The following PCSK5 variants were observed in gnomAD, a reference collection of about 807,000 sequenced individuals.
PCSK5 encodes the protein proprotein convertase subtilisin/kexin type 5, also known as prohormone convertase 5.
PCSK5 carries 129 observed loss-of-function variants against 233.2 expected under a neutral mutation model. The ratio of observed to expected loss-of-function variants is 0.55; its 90% CI spans 0.48 to 0.64. The LOEUF is 0.64. Ranked by LOEUF, PCSK5 falls within the 30% of genes least tolerant of loss-of-function variation. The probability of loss-of-function intolerance (pLI) is 0.00; values close to 1 mark genes in which losing one functional copy is unlikely to be tolerated. For missense variants in PCSK5, 2,076 were observed against 2,430.1 expected, an observed-to-expected ratio of 0.85 and a Z score of 3.06; for synonymous variants, 825 against 879.2, an observed-to-expected ratio of 0.94 and a Z score of 1.09.
At chr9:76,003,112 G>A (rs1827329645) in intron 3 of PCSK5, among the ~76,000 whole-genome samples, 1 of 152,220 alleles carries the variant, frequency 6.6e-6, no homozygotes, top group African/African-American at 2.4e-5. Flanking sequence ...GAGATAGCAA[G>A]AGTCTACAGA....
rs58485029 is a variant in PCSK5, at chr9:76,316,740, C to CAAA, written c.3885-4656_3885-4654dup. On this transcript the variant is annotated intron_variant, in intron 30 of 37. Coordinates refer to ENST00000674117, the MANE Select transcript of PCSK5 (RefSeq NM_001372043.1). ...GCAACAGAGCCAGACCTTGTCTCAC[C>CAAA]AAAAAAAAAAAAAAAAAAAAAAAAA... is the stretch of plus-strand genomic sequence containing the variant. Among the ~76,000 whole-genome samples the CAAA allele has an allele frequency of 1.4e-3, 93 of 64,636 alleles. 6 individuals are homozygous for CAAA. The highest frequency in any genetic ancestry group is 5.1e-3 in the African/African-American group (78 of 15,410). The allele number at this position is 64,636 out of a possible 152,430, so 42.4% of individuals were successfully genotyped here.
chr9:76,263,751 A>C (rs1246316308), intron 24 of PCSK5, among the ~76,000 whole-genome samples: 1 of 152,072 alleles, frequency 6.6e-6, no homozygotes, highest in Non-Finnish European at 1.5e-5. Context: ...CACATTGTGC[A>C]CATGTACCCT....
intron 13 of PCSK5, among the ~76,000 whole-genome samples, chr9:76,174,119 T>A (rs1341863800): frequency 1.3e-5 from 2 of 152,106 alleles, no homozygotes; most frequent in Non-Finnish European, 2.9e-5. Context: ...ATCTCAAAAT[T>A]TTTGTTAATT....
chr9:76,024,570 G>A (rs1450900705), intron 4 of PCSK5, among the ~76,000 whole-genome samples: 3 of 152,232 alleles, frequency 2.0e-5, no homozygotes, highest in Admixed American at 1.3e-4. Flanking sequence ...TGCCCCAGCA[G>A]AGATGTCTTT....
chr9:76,316,366 C>T (rs1449287861), intron 30 of PCSK5, among the ~76,000 whole-genome samples: 1 of 152,012 alleles, frequency 6.6e-6, no homozygotes, highest in South Asian at 2.1e-4. Context: ...AAAGACCAGA[C>T]CTCTCTTTGG....
At chr9:76,065,827 G>A (rs1202338551) in intron 5 of PCSK5, among the ~76,000 whole-genome samples, 1 of 152,080 alleles carries the variant, frequency 6.6e-6, no homozygotes, top group African/African-American at 2.4e-5. Context: ...AGGGTGCGAG[G>A]TGGATGGGGG....
chr9:75,922,167 G>A (rs1297044767), intron 1 of PCSK5, among the ~76,000 whole-genome samples: 1 of 152,152 alleles, frequency 6.6e-6, no homozygotes, highest in Non-Finnish European at 1.5e-5. Context: ...GTACAAAAAT[G>A]AAATTCAGCA....
chr9:75,980,836 C>T (rs1271114324), intron 2 of PCSK5, among the ~76,000 whole-genome samples: 4 of 151,464 alleles, frequency 2.6e-5, no homozygotes, highest in Non-Finnish European at 5.9e-5. Flanking sequence ...GACTTTAGAG[C>T]TTCTTGGAGC....
intron 20 of PCSK5, among the ~76,000 whole-genome samples, chr9:76,192,680 A>G (rs1398289400): frequency 1.3e-5 from 2 of 148,300 alleles, no homozygotes; most frequent in East Asian, 2.0e-4. Context: ...CTATTGTTCA[A>G]TATTCGAAGG....
intron 11 of PCSK5, among the ~76,000 whole-genome samples, chr9:76,157,718 T>C (rs1166778153): frequency 1.3e-5 from 2 of 149,398 alleles, no homozygotes; most frequent in African/African-American, 5.2e-5. Flanking sequence ...TTTTGAACTT[T>C]GGTTGATGAT....
chr9:76,022,845 CA>C (rs967827597), intron 3 of PCSK5, among the ~76,000 whole-genome samples: 6 of 152,018 alleles, frequency 3.9e-5, no homozygotes, highest in African/African-American at 1.4e-4. Context: ...TTTTCCTTCT[CA>C]AAAAAATAGT....
intron 8 of PCSK5, among the ~76,000 whole-genome samples, chr9:76,105,334 A>AC (rs1205636024): frequency 3.9e-5 from 6 of 152,238 alleles, no homozygotes; most frequent in African/African-American, 1.2e-4. Flanking sequence ...GAGGAATCAA[A>AC]CACATAGCAG....
intron 24 of PCSK5, among the ~76,000 whole-genome samples, chr9:76,274,460 T>C (rs1287045494): frequency 2.0e-5 from 3 of 152,232 alleles, no homozygotes; most frequent in Non-Finnish European, 2.9e-5. Flanking sequence ...CTGATTTCCT[T>C]ATGTGGTCTA....
intron 20 of PCSK5, among the ~76,000 whole-genome samples, chr9:76,192,721 CAG>C (rs1294772742): frequency 4.7e-5 from 6 of 129,022 alleles, no homozygotes; most frequent in African/African-American, 1.7e-4. Context: ...GGAAACAAAA[CAG>C]AATGTTACAT....
chr9:76,240,771 A>T, intron 24 of PCSK5, 87 bp downstream of exon 24: 1 of 913,452 alleles, frequency 1.1e-6, no homozygotes, highest in East Asian at 2.6e-5. Context: ...CCCAGCAGGC[A>T]CTCTTGTCAT....
intron 5 of PCSK5, among the ~76,000 whole-genome samples, chr9:76,037,860 G>A (rs867050534): frequency 2.6e-5 from 4 of 152,218 alleles, no homozygotes; most frequent in African/African-American, 4.8e-5. Context: ...GAGAATCCCC[G>A]CCAATTCTCC....
chr9:75,979,821 T>G (rs1207362839), intron 2 of PCSK5, among the ~76,000 whole-genome samples: 2 of 152,248 alleles, frequency 1.3e-5, no homozygotes, highest in Non-Finnish European at 2.9e-5. Flanking sequence ...CCATAATCAC[T>G]TTCTACCTCC....
intron 1 of PCSK5, among the ~76,000 whole-genome samples, chr9:75,924,093 G>A (rs1823370710): frequency 6.6e-6 from 1 of 152,186 alleles, no homozygotes; most frequent in Admixed American, 6.5e-5. Flanking sequence ...ATAGGTTCTG[G>A]AGGTTAGGGT....
chr9:76,128,498 C>A (rs962144462), intron 9 of PCSK5, among the ~76,000 whole-genome samples: 1 of 152,076 alleles, frequency 6.6e-6, no homozygotes, highest in Non-Finnish European at 1.5e-5. Flanking sequence ...AGCTTGCAAA[C>A]AAAATATTAT....
Sources: allele counts gnomAD v4.1 joint callset (sites outside exome capture counted in the v4.1 genomes callset), GRCh38; gene constraint gnomAD v4.1.1; transcripts MANE v1.5; gene names NCBI Gene and HGNC (gene_info 2026-07-23, HGNC 2026-07-21).